The following NIBAN1 variants were observed in gnomAD, a reference collection of about 807,000 sequenced individuals.
NIBAN1 encodes niban apoptosis regulator 1, also known as protein Niban 1.
NIBAN1 carries 81 observed loss-of-function variants against 75.1 expected under a neutral mutation model. The ratio of observed to expected loss-of-function variants is 1.08; its 90% CI spans 0.90 to 1.30. The LOEUF (loss-of-function observed/expected upper bound fraction) is 1.30. NIBAN1 is among the 50% of genes most tolerant of loss of function. The probability of loss-of-function intolerance (pLI) is 0.00; values close to 1 mark genes in which losing one functional copy is unlikely to be tolerated. For synonymous variants in NIBAN1, 436 were observed against 424.8 expected (o/e 1.03, Z -0.32); for missense variants, 1,133 against 1,128.1 (o/e 1.00, Z -0.06).
chr1:184,867,889 C>T, intron 5 of NIBAN1: 1 of 985,432 alleles, frequency 1.0e-6, no homozygotes, highest in Non-Finnish European at 1.2e-6. Flanking sequence ...TTTGTTCCAG[C>T]TTTTGTCTAC....
chr1:184,912,899 T>C (rs914565140), intron 1 of NIBAN1, among the ~76,000 whole-genome samples: 1 of 152,114 alleles, frequency 6.6e-6, no homozygotes, highest in African/African-American at 2.4e-5. Context: ...GAATGCAACA[T>C]GGGCTGGATT....
intron 5 of NIBAN1, among the ~76,000 whole-genome samples, chr1:184,873,380 A>G (rs1656158835): frequency 6.6e-6 from 1 of 152,204 alleles, no homozygotes; most frequent in Non-Finnish European, 1.5e-5. Flanking sequence ...CATATTGATT[A>G]TTTTGAGCCA....
intron 1 of NIBAN1, among the ~76,000 whole-genome samples, chr1:184,957,846 A>G (rs552732417): frequency 6.6e-6 from 1 of 152,228 alleles, no homozygotes; most frequent in African/African-American, 2.4e-5. Flanking sequence ...CCATTTATTT[A>G]TTTTTTATTG....
chr1:184,794,343 T>C lies in NIBAN1; in HGVS notation c.*634A>G, dbSNP rs1425917785. On this transcript the variant is annotated 3_prime_UTR_variant, in exon 14 of 14. Coordinates refer to ENST00000367511, the MANE Select transcript of NIBAN1 (RefSeq NM_052966.4). ...TCAAGATTAATTAATAAGAAATTGA[T>C]AGCAGGATGAGTAACAGGCCCAGAC... 2.0e-5 allele frequency: 3 copies of C among 153,428 alleles called. No homozygotes were observed. Among genetic ancestry groups the C allele is most frequent in the African/African-American group, 7.2e-5 (3 of 41,460 alleles). 9.5% of individuals were successfully genotyped at this position (153,428 alleles called of 1,614,324 possible).
At chr1:184,837,380 A>T (rs1655170267) in intron 5 of NIBAN1, among the ~76,000 whole-genome samples, 1 of 152,194 alleles carries the variant, frequency 6.6e-6, no homozygotes, top group African/African-American at 2.4e-5. Context: ...AGTAACTTAG[A>T]CATCACTACA....
At chr1:184,919,591 TA>T (rs1238111789) in intron 1 of NIBAN1, among the ~76,000 whole-genome samples, 1 of 152,066 alleles carries the variant, frequency 6.6e-6, no homozygotes, top group Non-Finnish European at 1.5e-5. Context: ...GAAATAATTT[TA>T]AAAAAAGAGA....
At chr1:184,815,959 A>C (rs571524138) in intron 9 of NIBAN1, among the ~76,000 whole-genome samples, 1 of 152,364 alleles carries the variant, frequency 6.6e-6, no homozygotes, top group Non-Finnish European at 1.5e-5. Context: ...AACATACTTT[A>C]AATTCTCTTG....
intron 6 of NIBAN1, among the ~76,000 whole-genome samples, chr1:184,827,189 C>T (rs991805073): frequency 9.2e-5 from 14 of 152,216 alleles, no homozygotes; most frequent in Middle Eastern, 3.4e-3. Flanking sequence ...TACCCAGTCT[C>T]GGTTATGTCT....
chr1:184,972,461 C>A (rs1292886037), intron 1 of NIBAN1, among the ~76,000 whole-genome samples: 1 of 152,208 alleles, frequency 6.6e-6, no homozygotes, highest in African/African-American at 2.4e-5. Context: ...AGGTTCTTTT[C>A]TCTTTTGGCA....
chr1:184,863,019 CCT>C (rs964204414), intron 5 of NIBAN1, among the ~76,000 whole-genome samples: 52 of 152,058 alleles, frequency 3.4e-4, no homozygotes, highest in African/African-American at 1.2e-3. Context: ...CGGAGGCACC[CCT>C]GTGTGTTGTT....
chr1:184,795,243 G>C lies in NIBAN1; in HGVS notation c.2521C>G (p.Gln841Glu), dbSNP rs1470496144. The C allele has an allele frequency of 1.2e-6, 2 of 1,613,564 alleles. No individual in the cohort carries two copies. Among genetic ancestry groups the C allele is most frequent in the Non-Finnish European group, 8.5e-7 (1 of 1,180,044 alleles). The part of the protein sequence containing the change: ...KCTEEGDASQ[Q>E]EGCTLGSDPI... ...TCAGAACCTAAGGTGCAGCCCTCTT[G>C]CTGTGAGGCATCCCCTTCCTCGGTA... Residue 841 changes from glutamine (Q) to glutamate (E), a missense_variant, in exon 14 of 14, where the codon CAA becomes GAA. By Grantham distance (29) the Gln-to-Glu change is conservative. Transcript: ENST00000367511.
At chr1:184,972,608 A>T (rs1027620479) in intron 1 of NIBAN1, among the ~76,000 whole-genome samples, 21 of 152,226 alleles carry the variant, frequency 1.4e-4, no homozygotes, top group Admixed American at 1.2e-3. Context: ...AAGCTGAACA[A>T]GACTGGGAAA....
At chr1:184,923,802 C>A (rs1288380336) in intron 1 of NIBAN1, among the ~76,000 whole-genome samples, 2 of 151,940 alleles carry the variant, frequency 1.3e-5, no homozygotes, top group Admixed American at 6.6e-5. Flanking sequence ...TGGTTAATTT[C>A]TAGGTATTTA....
chr1:184,971,479 G>A (rs985760396), intron 1 of NIBAN1, among the ~76,000 whole-genome samples: 10 of 151,750 alleles, frequency 6.6e-5, no homozygotes, highest in African/African-American at 2.4e-4. Context: ...AAGCCATCCT[G>A]GCCCACATGG....
At chr1:184,857,140 A>C (rs562049496) in intron 5 of NIBAN1, among the ~76,000 whole-genome samples, 44 of 152,332 alleles carry the variant, frequency 2.9e-4, no homozygotes, top group African/African-American at 1.0e-3. Context: ...TGTGGTTATA[A>C]AGCCTTCCAA....
At chr1:184,906,949 C>T (rs1048374072) in intron 1 of NIBAN1, among the ~76,000 whole-genome samples, 1 of 152,182 alleles carries the variant, frequency 6.6e-6, no homozygotes, top group Non-Finnish European at 1.5e-5. Context: ...TTGGAAGATA[C>T]TATTTATAGC....
At chr1:184,902,522 T>C (rs181844405) in intron 1 of NIBAN1, among the ~76,000 whole-genome samples, 1 of 152,306 alleles carries the variant, frequency 6.6e-6, no homozygotes, top group Admixed American at 6.5e-5. Flanking sequence ...GGGTGTCCCT[T>C]AGGCAAGCAC....
chr1:184,805,158 G>A lies in NIBAN1; in HGVS notation c.1446+788C>T, dbSNP rs568130244. 6.6e-5 allele frequency among the ~76,000 whole-genome samples: 10 copies of A among 152,316 alleles called. No individual in the cohort carries two copies. The East Asian group carries it at 1.7e-3, about 26-fold the overall frequency. On this transcript the variant is annotated intron_variant, in intron 11 of 13. Transcript: ENST00000367511. ...CTTGCCTGTGAGGCATCAAGATCAA[G>A]TCTGAAATTCAGAGACCACCCCTAG...
At chr1:184,859,908 T>C (rs1199908030) in intron 5 of NIBAN1, among the ~76,000 whole-genome samples, 1 of 151,956 alleles carries the variant, frequency 6.6e-6, no homozygotes, top group Non-Finnish European at 1.5e-5. Context: ...CTGATGAGGG[T>C]GTGTGCAAGG....
Sources: allele counts gnomAD v4.1 joint callset (sites outside exome capture counted in the v4.1 genomes callset), GRCh38; gene constraint gnomAD v4.1.1; transcripts MANE v1.5; gene names NCBI Gene and HGNC (gene_info 2026-07-23, HGNC 2026-07-21).